Variants in TENM2 observed in about 807,000 individuals in gnomAD.
TENM2 encodes teneurin transmembrane protein 2, also known as teneurin-2.
Under a neutral mutation model 245.2 loss-of-function variants are expected in TENM2, and 52 were observed. The ratio of observed to expected loss-of-function variants is 0.21; its 90% CI spans 0.17 to 0.27. The LOEUF (loss-of-function observed/expected upper bound fraction) is 0.27. Among genes scored for constraint, TENM2 ranks in the 10% least tolerant of loss-of-function variants. TENM2 has a pLI of 1.00. For synonymous variants in TENM2, 1,363 were observed against 1,438.9 expected (o/e 0.95, Z 1.19); for missense variants, 3,046 against 3,666.8 (o/e 0.83, Z 4.37).
chr5:167,029,103 T>C, the TENM2 span, among the ~76,000 whole-genome samples: 68,902 of 151,986 alleles, frequency 0.45, 15,950 homozygotes, highest in Admixed American at 0.58. Flanking sequence ...CTGTACTTAA[T>C]TTTAGTTTTT....
At chr5:167,928,662 G>A (rs1777947803) in intron 3 of TENM2, among the ~76,000 whole-genome samples, 1 of 152,032 alleles carries the variant, frequency 6.6e-6, no homozygotes, top group African/African-American at 2.4e-5. Flanking sequence ...GGGAGGCCGA[G>A]GCAGGTGGAT....
chr5:167,964,075 TCCTC>T (rs1781211472), intron 4 of TENM2, among the ~76,000 whole-genome samples: 1 of 152,156 alleles, frequency 6.6e-6, no homozygotes, highest in Non-Finnish European at 1.5e-5. Flanking sequence ...CCCTCCACCT[TCCTC>T]CCAGCCTATT....
chr5:167,026,356 G>C, the TENM2 span, among the ~76,000 whole-genome samples: 1 of 152,188 alleles, frequency 6.6e-6, no homozygotes, highest in African/African-American at 2.4e-5. Context: ...TTTCCACATA[G>C]TGGTAATCTG....
rs146264431 is a variant in TENM2 at position 167,586,222 on chromosome 5, G to T, written c.502+210749G>T. 7.1e-4 allele frequency among the ~76,000 whole-genome samples: 108 copies of T among 152,302 alleles called. 1 individual carries two copies. Among genetic ancestry groups the T allele is most frequent in the South Asian group, 3.5e-3 (17 of 4,822 alleles). ...TTACATAGCATTTACATTATATTAGGTATTACAAGTAATCTAGAGATGATT... is the reference window on the plus strand; with the variant it reads ...TTACATAGCATTTACATTATATTAGTTATTACAAGTAATCTAGAGATGATT... On this transcript the variant is annotated intron_variant, in intron 2 of 28. Coordinates refer to ENST00000518659, the Ensembl canonical transcript of TENM2.
chr5:168,255,612 C>A (rs1391387046), intron 27 of TENM2, among the ~76,000 whole-genome samples: 54 of 151,476 alleles, frequency 3.6e-4, no homozygotes, highest in Admixed American at 3.5e-3. Flanking sequence ...GCCTCATTAA[C>A]AGTTCTAATC....
chr5:168,105,647 G>A (rs545220942), intron 9 of TENM2, among the ~76,000 whole-genome samples: 1 of 152,250 alleles, frequency 6.6e-6, no homozygotes, highest in Non-Finnish European at 1.5e-5. Flanking sequence ...GAATAGTATA[G>A]AATTGCATTA....
Position 167,793,920 on chromosome 5 carries a change from T to C in TENM2, c.503-82066T>C, listed in dbSNP as rs1043460626. On this transcript the variant is annotated intron_variant, in intron 2 of 28. Transcript: ENST00000518659. ...CATTGTATTGCAGCATAGCAAACTT[T>C]CTATTAGTCTTCACTTTCACTTCTG... 5.3e-5 allele frequency among the ~76,000 whole-genome samples: 8 copies of C among 151,970 alleles called. No individual in the cohort carries two copies. The South Asian group carries it at 1.2e-3, about 24-fold the overall frequency.
At chr5:167,358,207 T>C (rs1270364029) in intron 1 of TENM2, among the ~76,000 whole-genome samples, 1 of 152,220 alleles carries the variant, frequency 6.6e-6, no homozygotes, top group Non-Finnish European at 1.5e-5. Context: ...ACATTGCTTC[T>C]GATTACTCTC....
chr5:168,149,979 A>C (rs1043434975), intron 12 of TENM2, among the ~76,000 whole-genome samples: 1 of 152,188 alleles, frequency 6.6e-6, no homozygotes, highest in Non-Finnish European at 1.5e-5. Flanking sequence ...CAAACAACTT[A>C]TCATCAGGGG....
chr5:168,229,335 GCTT>G (rs1371019459), intron 25 of TENM2, among the ~76,000 whole-genome samples: 7 of 151,182 alleles, frequency 4.6e-5, no homozygotes, highest in Non-Finnish European at 1.0e-4. Context: ...GTCATCCAGA[GCTT>G]CTCAGCAGAA....
At chr5:167,708,560 A>T (rs1335947014) in intron 2 of TENM2, among the ~76,000 whole-genome samples, 4 of 152,128 alleles carry the variant, frequency 2.6e-5, no homozygotes, top group Admixed American at 2.6e-4. Context: ...ATCTTTCCAC[A>T]TGTGAGTCCC....
chr5:167,059,883 T>C, the TENM2 span, among the ~76,000 whole-genome samples: 1 of 151,964 alleles, frequency 6.6e-6, no homozygotes, highest in Non-Finnish European at 1.5e-5. Context: ...TTTGTATTGT[T>C]AGTAGAGGTG....
chr5:167,611,513 G>A lies in TENM2; in HGVS notation c.502+236040G>A, dbSNP rs1052102587. Among the ~76,000 whole-genome samples the A allele has an allele frequency of 1.2e-4, 18 of 152,108 alleles. 1 individual carries two copies. The highest frequency in any genetic ancestry group is 2.4e-4 in the Non-Finnish European group (16 of 68,016). ...ACCTACTTGAGCAAGGTGGGGTTGA[G>A]ATGTTCATGCCAGCAGGAAGGGAGA... is the stretch of plus-strand genomic sequence containing the variant. On this transcript the variant is annotated intron_variant, in intron 2 of 28. Coordinates refer to ENST00000518659, the Ensembl canonical transcript of TENM2.
intron 2 of TENM2, among the ~76,000 whole-genome samples, chr5:167,759,728 C>A (rs1762538868): frequency 6.6e-6 from 1 of 151,992 alleles, no homozygotes; most frequent in African/African-American, 2.4e-5. Flanking sequence ...GGCTGGTTGA[C>A]CTGGGAGGAG....
At chr5:168,044,386 A>G (rs1403423206) in intron 5 of TENM2, among the ~76,000 whole-genome samples, 2 of 152,206 alleles carry the variant, frequency 1.3e-5, no homozygotes, top group Non-Finnish European at 2.9e-5. Flanking sequence ...CTGCACTAAA[A>G]GAAAAGGTTC....
intron 2 of TENM2, among the ~76,000 whole-genome samples, chr5:167,650,184 A>G (rs913114715): frequency 2.6e-5 from 4 of 152,200 alleles, no homozygotes; most frequent in African/African-American, 7.2e-5. Context: ...TTAGTCTTCT[A>G]TAGGAAACTG....
chr5:168,206,716 G>T (rs1762377731), intron 19 of TENM2, among the ~76,000 whole-genome samples: 1 of 152,074 alleles, frequency 6.6e-6, no homozygotes, highest in Admixed American at 6.5e-5. Context: ...TTTAATCCTA[G>T]GAAAGCCTCC....
chr5:167,958,747 T>G (rs914245693), intron 4 of TENM2, among the ~76,000 whole-genome samples: 4 of 152,212 alleles, frequency 2.6e-5, no homozygotes, highest in Non-Finnish European at 5.9e-5. Flanking sequence ...GAAGCTTAGT[T>G]TGACTGGATA....
chr5:167,472,427 G>A (rs1443853274), intron 2 of TENM2, among the ~76,000 whole-genome samples: 1 of 152,160 alleles, frequency 6.6e-6, no homozygotes. Context: ...ACAGTGGCTA[G>A]AACACTAGAA....
Sources: gnomAD v4.1 joint callset for allele counts (sites outside exome capture counted in the v4.1 genomes callset) on GRCh38, gnomAD v4.1.1 for gene constraint, MANE v1.5 for transcripts, NCBI Gene and HGNC (gene_info 2026-07-23, HGNC 2026-07-21) for gene names.